PPP1R9A: variants seen among roughly 807,000 people sequenced by gnomAD.
PPP1R9A encodes neurabin-1.
PPP1R9A carries 59 observed loss-of-function variants against 141.9 expected under a neutral mutation model. The ratio of observed to expected loss-of-function variants is 0.42; its 90% CI spans 0.34 to 0.52. PPP1R9A has a LOEUF of 0.52. PPP1R9A is among the 20% of genes least tolerant of loss of function. The pLI, the probability that PPP1R9A is intolerant of heterozygous loss-of-function variation, is 0.10. For missense variants in PPP1R9A, 1,444 were observed against 1,611.9 expected (o/e 0.90, Z 1.78); for synonymous variants, 500 against 569.7 (o/e 0.88, Z 1.74).
chr7:94,939,389 A>G (rs982700069), intron 2 of PPP1R9A, among the ~76,000 whole-genome samples: 1 of 152,164 alleles, frequency 6.6e-6, no homozygotes, highest in African/African-American at 2.4e-5. Context: ...TACTTGCTGA[A>G]TAAATGAAAC....
chr7:95,162,633 T>C (rs1023372252), intron 5 of PPP1R9A, among the ~76,000 whole-genome samples: 2 of 152,228 alleles, frequency 1.3e-5, no homozygotes, highest in Non-Finnish European at 2.9e-5. Context: ...GCTTATATCA[T>C]ATACTTTTCC....
intron 12 of PPP1R9A, among the ~76,000 whole-genome samples, chr7:95,258,847 A>T (rs1800001691): frequency 6.6e-6 from 1 of 152,202 alleles, no homozygotes; most frequent in Non-Finnish European, 1.5e-5. Context: ...GAAAATTCAT[A>T]AAACTGTTTC....
chr7:95,024,514 C>A (rs537685367), intron 2 of PPP1R9A, among the ~76,000 whole-genome samples: 16 of 152,212 alleles, frequency 1.1e-4, no homozygotes, highest in South Asian at 2.1e-4. Flanking sequence ...GCGTTGATCC[C>A]TTTACCATTA....
chr7:94,950,913 A>G (rs1246875631), intron 2 of PPP1R9A, among the ~76,000 whole-genome samples: 2 of 151,982 alleles, frequency 1.3e-5, no homozygotes, highest in Middle Eastern at 6.8e-3. Context: ...TCACTGGGCT[A>G]ATTTTTGTAC....
rs376072236 is a variant in PPP1R9A at position 94,965,803 on chromosome 7, C to CT, written c.1395+54305dup. 9.5e-3 allele frequency among the ~76,000 whole-genome samples: 1,396 copies of CT among 146,268 alleles called. 15 individuals carry two copies. Among genetic ancestry groups the CT allele is most frequent in the African/African-American group, 0.029 (1,146 of 40,038 alleles). On this transcript the variant is annotated intron_variant, in intron 2 of 19. Coordinates refer to ENST00000433360, the MANE Select transcript of PPP1R9A (RefSeq NM_001166160.2). Reference sequence around the variant, plus strand: ...CTTAGGATTGTCTTGGCTATATGGGCTTTTTTTTTTGTTTCATGTAAAATT... The same window carrying CT: ...CTTAGGATTGTCTTGGCTATATGGGCTTTTTTTTTTTGTTTCATGTAAAATT...
At position 94,950,284 on chromosome 7, in the gene PPP1R9A, T is replaced by G. The variant is rs1796331947; in HGVS notation, c.1395+38776T>G. 2.0e-5 allele frequency among the ~76,000 whole-genome samples: 3 copies of G among 152,088 alleles called. No individual in the cohort carries two copies. The South Asian group carries it at 6.2e-4, about 31-fold the overall frequency. On this transcript the variant is annotated intron_variant, in intron 2 of 19. Transcript: ENST00000433360. ...GGGAATAGTTGACTAGGCCAGCTCT[T>G]TTTTTATGTTCATTTCCATGTAAGC...
At chr7:95,007,357 G>C (rs1347914174) in intron 2 of PPP1R9A, among the ~76,000 whole-genome samples, 1 of 152,166 alleles carries the variant, frequency 6.6e-6, no homozygotes, top group African/African-American at 2.4e-5. Flanking sequence ...CCCAATAGAT[G>C]CCAGTGGTAC....
At chr7:95,205,935 C>G (rs1790696442) in intron 7 of PPP1R9A, among the ~76,000 whole-genome samples, 1 of 152,088 alleles carries the variant, frequency 6.6e-6, no homozygotes, top group African/African-American at 2.4e-5. Flanking sequence ...CTCTATCACA[C>G]TAAACCACAA....
In PPP1R9A at chr7:95,252,520, T is replaced by A. The variant is rs1009980052; in HGVS notation, c.2665+390T>A. 2.1e-5 allele frequency among the ~76,000 whole-genome samples: 3 copies of A among 143,078 alleles called. No homozygotes were observed. The Admixed American group carries it at 2.2e-4, about 11-fold the overall frequency. The allele number at this position is 143,078 out of a possible 152,430, so 93.9% of individuals were successfully genotyped here. A position where few individuals can be genotyped will look rare whatever the true frequency, so the allele number is the denominator to read the frequency against. On this transcript the variant is annotated intron_variant, in intron 12 of 19. Coordinates refer to ENST00000433360, the MANE Select transcript of PPP1R9A (RefSeq NM_001166160.2). ...TCTCACTCTGTCATCCAGGCTGGAG[T>A]ACAGTGGTGCAATCTCAGCTCACTA...
intron 4 of PPP1R9A, among the ~76,000 whole-genome samples, chr7:95,139,008 A>G (rs1444458587): frequency 1.3e-5 from 2 of 152,204 alleles, no homozygotes; most frequent in Non-Finnish European, 2.9e-5. Context: ...ATATTTTCCA[A>G]TAGAAATGAA....
intron 2 of PPP1R9A, among the ~76,000 whole-genome samples, chr7:94,919,781 T>A (rs1168144976): frequency 6.6e-6 from 1 of 152,170 alleles, no homozygotes; most frequent in African/African-American, 2.4e-5. Flanking sequence ...TGGAGCATAT[T>A]ACTATATAGT....
chr7:95,160,246 A>G lies in PPP1R9A; in HGVS notation c.1650-1621A>G, dbSNP rs148021766. 7.5e-3 allele frequency among the ~76,000 whole-genome samples: 1,139 copies of G among 152,246 alleles called. 13 individuals carry two copies. Among genetic ancestry groups the G allele is most frequent in the African/African-American group, 0.026 (1,085 of 41,550 alleles). ...TGAGCATTACATATTTGAAGTATAC[A>G]CCTTGAATGGGAAGGATTCCCTGTA... On this transcript the variant is annotated intron_variant, in intron 4 of 19. Transcript: ENST00000433360.
At chr7:95,109,685 T>A (rs978064067) in intron 2 of PPP1R9A, among the ~76,000 whole-genome samples, 4 of 151,306 alleles carry the variant, frequency 2.6e-5, no homozygotes, top group East Asian at 1.9e-4. Context: ...TAAAAAAAAA[T>A]TTTTTTTAAT....
chr7:95,134,346 A>G (rs1563288053), intron 4 of PPP1R9A, among the ~76,000 whole-genome samples: 1 of 152,192 alleles, frequency 6.6e-6, no homozygotes, highest in East Asian at 1.9e-4. Flanking sequence ...GAGGGAGAAC[A>G]TTAGGATAAA....
intron 7 of PPP1R9A, among the ~76,000 whole-genome samples, chr7:95,220,090 T>G (rs1411244560): frequency 6.6e-6 from 1 of 152,100 alleles, no homozygotes. Context: ...GAAACAACAT[T>G]CAAAGAGACT....
intron 2 of PPP1R9A, among the ~76,000 whole-genome samples, chr7:94,976,710 C>T (rs1799489940): frequency 6.6e-6 from 1 of 152,144 alleles, no homozygotes; most frequent in Non-Finnish European, 1.5e-5. Flanking sequence ...GTTTTAACTT[C>T]AGCCTCAGGG....
intron 2 of PPP1R9A, among the ~76,000 whole-genome samples, chr7:94,929,482 A>G (rs1306391976): frequency 6.6e-6 from 1 of 152,224 alleles, no homozygotes; most frequent in Non-Finnish European, 1.5e-5. Flanking sequence ...CACAGAAAAG[A>G]GAAAAAAATG....
At chr7:94,990,134 G>T (rs1403050759) in intron 2 of PPP1R9A, among the ~76,000 whole-genome samples, 4 of 152,024 alleles carry the variant, frequency 2.6e-5, no homozygotes, top group Admixed American at 2.6e-4. Context: ...AAAGAGCCCT[G>T]GATTTAGGAG....
intron 2 of PPP1R9A, among the ~76,000 whole-genome samples, chr7:94,949,928 G>A (rs1007269676): frequency 2.9e-5 from 4 of 135,944 alleles, no homozygotes; most frequent in African/African-American, 1.1e-4. Flanking sequence ...TTTTTTGAAT[G>A]GTCACTTTTT....
Sources: gnomAD v4.1 joint callset for allele counts (sites outside exome capture counted in the v4.1 genomes callset) on GRCh38, gnomAD v4.1.1 for gene constraint, MANE v1.5 for transcripts, NCBI Gene and HGNC (gene_info 2026-07-23, HGNC 2026-07-21) for gene names.